Variants in SYK observed in about 807,000 individuals in gnomAD.
SYK encodes spleen associated tyrosine kinase, also known as tyrosine-protein kinase SYK.
Under a neutral mutation model 77.8 loss-of-function variants are expected in SYK, and 16 were observed. The ratio of observed to expected loss-of-function variants is 0.21; its 90% CI spans 0.14 to 0.31. The LOEUF (loss-of-function observed/expected upper bound fraction) is 0.31. SYK is among the 10% of genes least tolerant of loss of function. The probability of loss-of-function intolerance (pLI) is 1.00; values close to 1 mark genes in which losing one functional copy is unlikely to be tolerated. For missense variants in SYK, 529 were observed against 814.4 expected, an observed-to-expected ratio of 0.65 and a Z score of 4.26; for synonymous variants, 312 against 308.7, an observed-to-expected ratio of 1.01 and a Z score of -0.11.
In SYK at chr9:90,850,981, TTC is replaced by T. The variant is rs147115310; in HGVS notation, c.578+5392_578+5393del. Among the ~76,000 whole-genome samples, 87 of 152,276 alleles carry T rather than the reference TTC, an allele frequency of 5.7e-4. No homozygotes were observed. In the East Asian group the frequency reaches 0.013, roughly 22 times the overall value. ...ATGCTGTCCAACTCGGATCCCAGTT[TTC>T]TCTCCTCAGAACTATATGTGAAATC... is the stretch of plus-strand genomic sequence containing the variant. On this transcript the variant is annotated intron_variant, in intron 3 of 13. Coordinates refer to ENST00000375754, the MANE Select transcript of SYK (RefSeq NM_003177.7).
rs41313849 is a variant in SYK, at chr9:90,896,074, G to A, written c.*474G>A. On this transcript the variant is annotated 3_prime_UTR_variant, in exon 14 of 14. Transcript: ENST00000375754. ...GGCAGAGGAATTTGGCTGCTTCTAC[G>A]GCCATGAGACTGATCCCTGGCCACT... 6,656 of 235,180 alleles carry A rather than the reference G, an allele frequency of 0.028. 246 individuals carry two copies. Among genetic ancestry groups the A allele is most frequent in the East Asian group, 0.14 (2,314 of 16,646 alleles). The allele number at this position is 235,180 out of a possible 1,614,324, so 14.6% of individuals were successfully genotyped here. A position where few individuals can be genotyped will look rare whatever the true frequency, so the allele number is the denominator to read the frequency against.
chr9:90,826,610 C>T (rs1825675163), intron 1 of SYK, among the ~76,000 whole-genome samples: 1 of 152,250 alleles, frequency 6.6e-6, no homozygotes, highest in Non-Finnish European at 1.5e-5. Context: ...CTCCTTCCAG[C>T]TTCTACAGCT....
chr9:90,846,679 A>AAAG (rs3056979), intron 3 of SYK, among the ~76,000 whole-genome samples: 102,064 of 146,454 alleles, frequency 0.7, 36,217 homozygotes, highest in African/African-American at 0.81. Context: ...AAAGAAAAGA[A>AAAG]AAATTGACCA....
chr9:90,892,006 A>T (rs1221248419), intron 13 of SYK, among the ~76,000 whole-genome samples: 1 of 152,074 alleles, frequency 6.6e-6, no homozygotes, highest in Non-Finnish European at 1.5e-5. Flanking sequence ...GTCTTAATGG[A>T]CTCTTCAGCT....
chr9:90,842,026 TGTG>T (rs1221937448), intron 1 of SYK, among the ~76,000 whole-genome samples: 1 of 134,928 alleles, frequency 7.4e-6, no homozygotes, highest in Non-Finnish European at 1.7e-5. Flanking sequence ...TGTAGTGTGT[TGTG>T]TGTGTGGTGT....
At position 90,862,414 on chromosome 9, in the gene SYK, CTT is replaced by C. The variant is rs1827309919; in HGVS notation, c.717+71_717+72del. On this transcript the variant is annotated intron_variant, in intron 4 of 13. Transcript: ENST00000375754. ...CGTGGGGCTCCTTGTCCCATGGACT[CTT>C]AGACATGAGAGGAACTGGACCACCC... 35 of 1,530,000 alleles carry C rather than the reference CTT, an allele frequency of 2.3e-5. No homozygotes were observed. The South Asian group carries it at 3.8e-4, about 17-fold the overall frequency. 94.8% of individuals were successfully genotyped at this position (1,530,000 alleles called of 1,614,324 possible).
At chr9:90,823,528 G>C (rs1308386435) in intron 1 of SYK, among the ~76,000 whole-genome samples, 1 of 151,938 alleles carries the variant, frequency 6.6e-6, no homozygotes, top group African/African-American at 2.4e-5. Flanking sequence ...AAGACTAAAC[G>C]TCATACCAAT....
chr9:90,879,209 G>A (rs1378289220), intron 11 of SYK, among the ~76,000 whole-genome samples: 1 of 152,188 alleles, frequency 6.6e-6, no homozygotes, highest in Non-Finnish European at 1.5e-5. Context: ...GGTATTAAGT[G>A]AAGATTTGTT....
At chr9:90,853,164 G>A in intron 3 of SYK, among the ~76,000 whole-genome samples, 1 of 150,502 alleles carries the variant, frequency 6.6e-6, no homozygotes, top group Non-Finnish European at 1.5e-5. Flanking sequence ...TTGAATGGTG[G>A]CCACTACTTG....
intron 1 of SYK, among the ~76,000 whole-genome samples, chr9:90,810,574 A>G (rs11788207): frequency 0.25 from 37,655 of 152,002 alleles, 4,758 homozygotes; most frequent in Middle Eastern, 0.36. Context: ...CTGTGATGCC[A>G]TCAAGAGCAC....
At chr9:90,870,477 G>T (rs1291985663) in intron 7 of SYK, among the ~76,000 whole-genome samples, 1 of 152,136 alleles carries the variant, frequency 6.6e-6, no homozygotes, top group Non-Finnish European at 1.5e-5. Context: ...TAAGTACAGG[G>T]CTCAGTGGGA....
intron 1 of SYK, among the ~76,000 whole-genome samples, chr9:90,840,345 G>A (rs906355965): frequency 2.0e-5 from 3 of 152,078 alleles, no homozygotes; most frequent in African/African-American, 7.2e-5. Context: ...GGCTGCAGGG[G>A]AAACAATGGA....
At chr9:90,831,561 T>C (rs1016349020) in intron 1 of SYK, among the ~76,000 whole-genome samples, 1 of 152,196 alleles carries the variant, frequency 6.6e-6, no homozygotes, top group Non-Finnish European at 1.5e-5. Context: ...TCAGGGAAGG[T>C]TGGGGAGACG....
chr9:90,820,693 G>A (rs1361407594), intron 1 of SYK, among the ~76,000 whole-genome samples: 2 of 152,156 alleles, frequency 1.3e-5, no homozygotes, highest in Admixed American at 1.3e-4. Context: ...GACTGCTGTG[G>A]AGGTCTCTGA....
intron 1 of SYK, among the ~76,000 whole-genome samples, chr9:90,836,094 C>A (rs1388231617): frequency 6.6e-6 from 1 of 152,080 alleles, no homozygotes; most frequent in African/African-American, 2.4e-5. Context: ...CGAGATCATC[C>A]TGGCTAACAA....
At chr9:90,841,324 GTGT>G (rs1826314826) in intron 1 of SYK, among the ~76,000 whole-genome samples, 1 of 150,336 alleles carries the variant, frequency 6.7e-6, no homozygotes, top group Non-Finnish European at 1.5e-5. Context: ...TGCACGTAGT[GTGT>G]TGTGTGTACT....
rs765007451 is a variant in SYK at position 90,887,827 on chromosome 9, G to A, written c.1660G>A (p.Asp554Asn). The A allele has an allele frequency of 2.5e-6, 4 of 1,613,534 alleles. No individual in the cohort carries two copies. Among genetic ancestry groups the A allele is most frequent in the Non-Finnish European group, 3.4e-6 (4 of 1,179,770 alleles). The change falls in exon 12 of 14, where the codon GAT becomes AAT. Residue 554 changes from aspartate to asparagine, a missense_variant. Physicochemically the swap from Asp to Asn is conservative, Grantham distance 23. Around this residue, in one of 2 missense-constraint regions of SYK, gnomAD observed 208 missense variants for 381.3 expected, o/e 0.55. Coordinates refer to ENST00000375754, the MANE Select transcript of SYK (RefSeq NM_003177.7). ...CTACTACAAGTTCTCCAGCAAAAGCGATGTCTGGAGCTTTGGAGTGTTGAT... is the reference window on the plus strand; with the variant it reads ...CTACTACAAGTTCTCCAGCAAAAGCAATGTCTGGAGCTTTGGAGTGTTGAT... The part of the protein sequence containing the change: ...INYYKFSSKS[D>N]VWSFGVLMWE...
chr9:90,802,427 C>T (rs111313749), intron 1 of SYK, among the ~76,000 whole-genome samples: 1 of 152,178 alleles, frequency 6.6e-6, no homozygotes, highest in Admixed American at 6.5e-5. Context: ...AAACAACAAC[C>T]CTTCTGAACC....
chr9:90,865,469 G>A (rs1267437626), intron 6 of SYK, among the ~76,000 whole-genome samples: 1 of 151,762 alleles, frequency 6.6e-6, no homozygotes. Context: ...CATCACACCC[G>A]GCTAATTTTT....
Sources: allele counts gnomAD v4.1 joint callset (sites outside exome capture counted in the v4.1 genomes callset), GRCh38; gene constraint gnomAD v4.1.1; regional missense constraint gnomAD v4.1.1; transcripts MANE v1.5; gene names NCBI Gene and HGNC (gene_info 2026-07-23, HGNC 2026-07-21).